CHD9: variants seen among roughly 807,000 people sequenced by gnomAD.
The protein encoded by CHD9 is chromodomain helicase DNA binding protein 9.
CHD9 carries 77 observed loss-of-function variants against 316.1 expected under a neutral mutation model. The observed-to-expected ratio is 0.24, with a 90% CI of 0.20 to 0.29. The LOEUF (loss-of-function observed/expected upper bound fraction) is 0.29. Ranked by LOEUF, CHD9 falls within the 10% of genes least tolerant of loss-of-function variation. The pLI, the probability that CHD9 is intolerant of heterozygous loss-of-function variation, is 1.00. For missense variants in CHD9, 2,763 were observed against 3,438.1 expected (o/e 0.80, Z 4.91); for synonymous variants, 1,129 against 1,158.3 (o/e 0.97, Z 0.51).
At chr16:53,210,379 C>G (rs2046234357) in intron 3 of CHD9, among the ~76,000 whole-genome samples, 1 of 150,950 alleles carries the variant, frequency 6.6e-6, no homozygotes, top group Middle Eastern at 3.5e-3. Flanking sequence ...GTCTGATTTA[C>G]TTTACGTAAT....
chr16:53,269,168 A>G (rs995236054), intron 22 of CHD9, among the ~76,000 whole-genome samples: 1 of 152,166 alleles, frequency 6.6e-6, no homozygotes, highest in Non-Finnish European at 1.5e-5. Flanking sequence ...CAATCCTCTC[A>G]GAGGTATACG....
chr16:53,081,764 AAT>A (rs2035036381), intron 1 of CHD9, among the ~76,000 whole-genome samples: 2 of 126,848 alleles, frequency 1.6e-5, no homozygotes, highest in African/African-American at 7.6e-5. Flanking sequence ...ATTAAAAAAA[AAT>A]TTTTTTTTGT....
chr16:53,313,260 G>A (rs1186252814), intron 34 of CHD9, among the ~76,000 whole-genome samples: 1 of 148,702 alleles, frequency 6.7e-6, no homozygotes, highest in Non-Finnish European at 1.5e-5. Context: ...AAAAAAAAGA[G>A]CACAAGAGAG....
chr16:53,146,419 G>GTATGTATATATA (rs59577921), intron 1 of CHD9, among the ~76,000 whole-genome samples: 20 of 76,698 alleles, frequency 2.6e-4, no homozygotes, highest in South Asian at 7.6e-4. Flanking sequence ...GTGTGTGTAT[G>GTATGTATATATA]TATATATATA....
At chr16:53,095,495 G>A (rs1486325308) in intron 1 of CHD9, among the ~76,000 whole-genome samples, 1 of 151,864 alleles carries the variant, frequency 6.6e-6, no homozygotes, top group Non-Finnish European at 1.5e-5. Flanking sequence ...GCTGCAGTGA[G>A]CCATGATAGT....
In CHD9 at chr16:53,291,757, A is replaced by G. The variant is rs1234854420; in HGVS notation, c.5280A>G (p.Ile1760Met). 3 of 1,561,474 alleles carry G rather than the reference A, an allele frequency of 1.9e-6. No homozygotes were observed. In the South Asian group the frequency reaches 3.7e-5, roughly 19 times the overall value. ...DDVSSPGDLVIADGDGQLMEG... is the reference protein window; with the variant it reads ...DDVSSPGDLVMADGDGQLMEG... Reference sequence around the variant, plus strand: ...TTTCCTCACCAGGAGATCTTGTTATAGCAGATGGAGGTAAATTGCACGTAC... The same window carrying G: ...TTTCCTCACCAGGAGATCTTGTTATGGCAGATGGAGGTAAATTGCACGTAC... Residue 1760 changes from isoleucine (I) to methionine (M), a missense_variant, in exon 28 of 39, where the codon ATA becomes ATG. Coordinates refer to ENST00000447540, the MANE Select transcript of CHD9 (RefSeq NM_001308319.2).
At position 53,245,940 on chromosome 16, in the gene CHD9, G is replaced by A. The variant is rs2049544844; in HGVS notation, c.3454+90G>A. On this transcript the variant is annotated intron_variant, in intron 15 of 38. Transcript: ENST00000447540. The surrounding 1 kb of genome is among the most constrained non-coding windows in gnomAD (Gnocchi z 4.1). ...AGAACACACTACAGCTGTAGTGGCT[G>A]TTATGACTCTCCACTGTGATATTCT... The A allele has an allele frequency of 3.5e-6, 3 of 865,868 alleles. No homozygotes were observed. The highest frequency in any genetic ancestry group is 4.9e-6 in the Non-Finnish European group (3 of 609,204). The allele number at this position is 865,868 out of a possible 1,614,324, so 53.6% of individuals were successfully genotyped here. A position where few individuals can be genotyped will look rare whatever the true frequency, so the allele number is the denominator to read the frequency against.
At chr16:53,222,795 G>A (rs2047355373) in intron 4 of CHD9, 40 bp downstream of exon 4, 1 of 937,460 alleles carries the variant, frequency 1.1e-6, no homozygotes, top group Middle Eastern at 2.2e-4. Flanking sequence ...AACACTGTTA[G>A]AATGATTTAG....
At position 53,303,964 on chromosome 16, in the gene CHD9, T is replaced by C. The variant is rs1163762989; in HGVS notation, c.5958T>C (p.Ile1986=). ...GGGTGAGCCGAACAGACTATCACAT[T>C]CTTCGTGATCCTGAACTCTCATTTA... ...KHGVSRTDYH[I]LRDPELSFMA... Residue 1986 remains isoleucine (I), a synonymous_variant, in exon 31 of 39, where the codon ATT becomes ATC. Coordinates refer to ENST00000447540, the MANE Select transcript of CHD9 (RefSeq NM_001308319.2). The C allele has an allele frequency of 4.3e-6, 7 of 1,614,040 alleles. No homozygotes were observed. The highest frequency in any genetic ancestry group is 5.9e-6 in the Non-Finnish European group (7 of 1,179,898).
At chr16:53,243,853 A>G (rs545720670) in intron 13 of CHD9, among the ~76,000 whole-genome samples, 1 of 152,326 alleles carries the variant, frequency 6.6e-6, no homozygotes, top group East Asian at 1.9e-4. Flanking sequence ...AGATCACATA[A>G]TTATTACATG....
At chr16:53,261,829 T>C (rs1436674721) in intron 19 of CHD9, among the ~76,000 whole-genome samples, 2 of 152,226 alleles carry the variant, frequency 1.3e-5, no homozygotes, top group Non-Finnish European at 2.9e-5. Flanking sequence ...TTTCCATATG[T>C]ATCATTAAAA....
rs1304760977 is a variant in CHD9 at position 53,254,502 on chromosome 16, G to GT, written c.3927dup (p.Asn1310Ter). The GT allele has an allele frequency of 6.2e-7, 1 of 1,612,938 alleles. No individual in the cohort carries two copies. ...GTTAAAGTCTACAGACTGGTAACTC[G>GT]TAACTCATATGAGAGAGAGATGTTT... On this transcript the variant is annotated frameshift_variant, in exon 18 of 39. Transcript: ENST00000447540. LOFTEE classifies it high-confidence loss of function.
chr16:53,083,894 G>A, intron 1 of CHD9, among the ~76,000 whole-genome samples: 1 of 151,990 alleles, frequency 6.6e-6, no homozygotes, highest in Non-Finnish European at 1.5e-5. Flanking sequence ...AGGACTACAA[G>A]TGTGCATCAC....
chr16:53,152,789 G>A (rs2041223904), intron 1 of CHD9, among the ~76,000 whole-genome samples: 1 of 152,184 alleles, frequency 6.6e-6, no homozygotes, highest in Non-Finnish European at 1.5e-5. Flanking sequence ...ATAATTAATA[G>A]ATGTAAGTTA....
chr16:53,187,187 A>C (rs923728863), intron 2 of CHD9, among the ~76,000 whole-genome samples: 1 of 152,218 alleles, frequency 6.6e-6, no homozygotes, highest in Non-Finnish European at 1.5e-5. Context: ...AGTTGAAGCT[A>C]TGAGACAAGA....
rs1451556793 is a variant in CHD9 at position 53,197,869 on chromosome 16, G to A, written c.1453-11613G>A. On this transcript the variant is annotated intron_variant, in intron 2 of 38. Coordinates refer to ENST00000447540, the MANE Select transcript of CHD9 (RefSeq NM_001308319.2). ...CACGGGGTTTCACCATGTTGGCCAG[G>A]CTGGTCTCGAACTACTGACCTCAGG... Among the ~76,000 whole-genome samples, 11 of 152,136 alleles carry A rather than the reference G, an allele frequency of 7.2e-5. No homozygotes were observed. In the East Asian group the frequency reaches 1.6e-3, roughly 21 times the overall value.
intron 1 of CHD9, among the ~76,000 whole-genome samples, chr16:53,133,649 A>G (rs567011329): frequency 7.2e-5 from 11 of 152,318 alleles, no homozygotes; most frequent in East Asian, 3.9e-4. Context: ...TATGAGGTCT[A>G]TCCTCTGAAA....
At chr16:53,281,051 C>G (rs1262980222) in intron 24 of CHD9, among the ~76,000 whole-genome samples, 1 of 152,108 alleles carries the variant, frequency 6.6e-6, no homozygotes, top group Non-Finnish European at 1.5e-5. Flanking sequence ...CTGGATTGAC[C>G]AAGAGCTCCG....
chr16:53,162,778 T>C (rs947762651), intron 2 of CHD9, among the ~76,000 whole-genome samples: 1 of 150,428 alleles, frequency 6.6e-6, no homozygotes, highest in African/African-American at 2.5e-5. Context: ...GCAGCACATA[T>C]AAGCCTTTTT....
Sources: gnomAD v4.1 joint callset for allele counts (sites outside exome capture counted in the v4.1 genomes callset) on GRCh38, gnomAD v4.1.1 for gene constraint, Gnocchi (gnomAD v3.1) non-coding constraint, MANE v1.5 for transcripts, NCBI Gene and HGNC (gene_info 2026-07-23, HGNC 2026-07-21) for gene names.